ST7: variants seen among roughly 807,000 people sequenced by gnomAD.
The protein encoded by ST7 is suppression of tumorigenicity 7.
A neutral mutation model predicts 78.7 loss-of-function variants in ST7; 28 were observed. The ratio of observed to expected loss-of-function variants is 0.36; its 90% CI spans 0.26 to 0.49. The LOEUF is 0.49. Ranked by LOEUF, ST7 falls within the 20% of genes least tolerant of loss-of-function variation. ST7 has a pLI of 0.99. For synonymous variants in ST7, 247 were observed against 249.6 expected (o/e 0.99, Z 0.10); for missense variants, 418 against 696.0 (o/e 0.60, Z 4.49).
At position 117,171,946 on chromosome 7, in the gene ST7, C is replaced by CTT. The variant is rs35780344; in HGVS notation, c.1078+985_1078+986dup. ...ACAGAGCAAACTATACCATTTGGGT[C>CTT]TTTTTTTTTTTTTTTTAAGAGAGAT... On this transcript the variant is annotated intron_variant, in intron 10 of 15. Transcript: ENST00000323984. Among the ~76,000 whole-genome samples the CTT allele has an allele frequency of 3.8e-4, 51 of 132,890 alleles. 1 individual carries two copies. The highest frequency in any genetic ancestry group is 1.3e-3 in the African/African-American group (48 of 36,784). The allele number at this position is 132,890 out of a possible 152,430, so 87.2% of individuals were successfully genotyped here. A position where few individuals can be genotyped will look rare whatever the true frequency, so the allele number is the denominator to read the frequency against.
intron 9 of ST7, 87 bp from the exon 10 acceptor site, chr7:117,170,775 A>ATATAAT: frequency 2.1e-6 from 1 of 476,680 alleles, no homozygotes; most frequent in African/African-American, 2.0e-5. Context: ...CGTGATATAT[A>ATATAAT]CAATAAATAT....
chr7:117,223,017 C>T (rs747611796), intron 15 of ST7: 10 of 1,448,098 alleles, frequency 6.9e-6, no homozygotes, highest in African/African-American at 5.6e-5. Context: ...CAAAACTGCT[C>T]CTCCTCCTGT....
intron 1 of ST7, chr7:116,968,701 C>T: frequency 5.9e-6 from 1 of 170,828 alleles, no homozygotes; most frequent in African/African-American, 2.4e-5. Context: ...AACTATAATG[C>T]AAAGTAAAAT....
intron 1 of ST7, among the ~76,000 whole-genome samples, chr7:117,048,241 G>T (rs1172756405): frequency 6.6e-6 from 1 of 152,038 alleles, no homozygotes; most frequent in East Asian, 1.9e-4. Flanking sequence ...AGGCAGGAGA[G>T]GCAGGGACAT....
chr7:117,037,722 C>T (rs555765949), intron 1 of ST7, among the ~76,000 whole-genome samples: 2 of 152,270 alleles, frequency 1.3e-5, no homozygotes, highest in African/African-American at 4.8e-5. Context: ...TGGCAAATAG[C>T]ATCATCTTGA....
At chr7:117,175,453 G>A (rs753266150) in intron 10 of ST7, among the ~76,000 whole-genome samples, 21 of 152,138 alleles carry the variant, frequency 1.4e-4, no homozygotes, top group Non-Finnish European at 2.5e-4. Flanking sequence ...TACAGCAAGC[G>A]AACACAGGTC....
intron 1 of ST7, among the ~76,000 whole-genome samples, chr7:116,982,140 T>C (rs1481824687): frequency 1.3e-5 from 2 of 152,240 alleles, no homozygotes; most frequent in African/African-American, 4.8e-5. Context: ...TTGACAGATA[T>C]GTTGTTATGT....
chr7:117,057,465 T>C (rs1798121544), intron 1 of ST7, among the ~76,000 whole-genome samples: 1 of 152,186 alleles, frequency 6.6e-6, no homozygotes, highest in Admixed American at 6.5e-5. Flanking sequence ...AATTAAGAGC[T>C]AAGACTTAGG....
In ST7 at chr7:117,130,524, T is replaced by C; in HGVS notation, c.483T>C (p.Thr161=). ...YTWVTGREPL[T]YYDMNLSAQD... is the part of the protein sequence containing the mutation. ...GGGTGACAGGACGAGAGCCTCTTACTTACTATGACATGAATCTCTCTGCCC... is the reference window on the plus strand; with the variant it reads ...GGGTGACAGGACGAGAGCCTCTTACCTACTATGACATGAATCTCTCTGCCC... Residue 161 remains threonine (T), a synonymous_variant, in exon 5 of 16, where the codon ACT becomes ACC. Coordinates refer to ENST00000323984, the MANE Select transcript of ST7 (RefSeq NM_001369598.1). 1.2e-6 allele frequency: 2 copies of C among 1,611,608 alleles called. No homozygotes were observed. Among genetic ancestry groups the C allele is most frequent in the Non-Finnish European group, 1.7e-6 (2 of 1,178,370 alleles).
At chr7:117,025,008 A>G (rs561765254) in intron 1 of ST7, among the ~76,000 whole-genome samples, 2 of 152,230 alleles carry the variant, frequency 1.3e-5, no homozygotes, top group East Asian at 3.9e-4. Flanking sequence ...GAACTAGATA[A>G]TTTTCTGAAA....
intron 2 of ST7, among the ~76,000 whole-genome samples, chr7:117,115,428 C>T (rs768465047): frequency 4.7e-5 from 7 of 150,416 alleles, no homozygotes; most frequent in Admixed American, 1.3e-4. Context: ...GATCTCAGCT[C>T]ATTGCAACTT....
In ST7 at chr7:116,953,656, G is replaced by A; in HGVS notation, c.116G>A (p.Arg39Gln). Residue 39 changes from arginine (R) to glutamine (Q), a missense_variant, in exon 1 of 16, where the codon CGG becomes CAG. Arg to Gln is a conservative substitution (Grantham distance 43). Transcript: ENST00000323984. ...FIVLFLVYIL[R>Q]VPLKINDNLS... Reference sequence around the variant, plus strand: ...GTGCTATTCCTGGTCTACATCCTGCGGGTGCCTTTGAAAATCAACGACAAC... The same window carrying A: ...GTGCTATTCCTGGTCTACATCCTGCAGGTGCCTTTGAAAATCAACGACAAC... 1.3e-6 allele frequency: 2 copies of A among 1,499,834 alleles called. No homozygotes were observed. Among genetic ancestry groups the A allele is most frequent in the Non-Finnish European group, 1.8e-6 (2 of 1,111,378 alleles). 92.9% of individuals were successfully genotyped at this position (1,499,834 alleles called of 1,614,324 possible).
chr7:117,088,907 T>G (rs1800372522), intron 1 of ST7, among the ~76,000 whole-genome samples: 2 of 152,206 alleles, frequency 1.3e-5, no homozygotes, highest in South Asian at 4.2e-4. Flanking sequence ...TCCAAACATT[T>G]CAATTCCCCA....
chr7:117,225,235 T>C (rs907853034), intron 15 of ST7, among the ~76,000 whole-genome samples: 4 of 152,104 alleles, frequency 2.6e-5, no homozygotes, highest in African/African-American at 9.7e-5. Context: ...CTCGCCTCAT[T>C]TCATGTTTTC....
chr7:117,036,879 A>G (rs752493569), intron 1 of ST7, among the ~76,000 whole-genome samples: 2 of 152,140 alleles, frequency 1.3e-5, no homozygotes, highest in Non-Finnish European at 2.9e-5. Context: ...TCCTAGGGGT[A>G]TGAGTAGGTG....
intron 1 of ST7, chr7:117,072,284 T>G (rs559660902): frequency 6.6e-6 from 1 of 152,366 alleles, no homozygotes; most frequent in Admixed American, 6.5e-5. Context: ...TCTTCAGCCC[T>G]TCCTCTCCAC....
intron 1 of ST7, among the ~76,000 whole-genome samples, chr7:116,982,739 C>T (rs994405896): frequency 2.0e-5 from 3 of 152,056 alleles, no homozygotes; most frequent in African/African-American, 7.2e-5. Flanking sequence ...TCTGAGGATC[C>T]CTTTTTCATT....
chr7:117,188,401 G>A (rs1809457552), intron 10 of ST7, among the ~76,000 whole-genome samples: 1 of 152,164 alleles, frequency 6.6e-6, no homozygotes, highest in African/African-American at 2.4e-5. Flanking sequence ...CTGAATTAAG[G>A]TATTTCTGTG....
intron 1 of ST7, among the ~76,000 whole-genome samples, chr7:116,973,781 G>A (rs577225012): frequency 6.6e-6 from 1 of 152,206 alleles, no homozygotes; most frequent in African/African-American, 2.4e-5. Flanking sequence ...CAAACATTAT[G>A]TTTATGAGAT....
Sources: gnomAD v4.1 joint callset for allele counts (sites outside exome capture counted in the v4.1 genomes callset) on GRCh38, gnomAD v4.1.1 for gene constraint, MANE v1.5 for transcripts, NCBI Gene and HGNC (gene_info 2026-07-23, HGNC 2026-07-21) for gene names.